Variants in ZDHHC14 observed in about 807,000 individuals in gnomAD.
ZDHHC14 encodes palmitoyltransferase ZDHHC14.
Under a neutral mutation model 47.7 loss-of-function variants are expected in ZDHHC14, and 16 were observed. The ratio of observed to expected loss-of-function variants is 0.34; its 90% confidence interval spans 0.23 to 0.51. ZDHHC14 has a LOEUF of 0.51. ZDHHC14 is among the 20% of genes least tolerant of loss of function. The pLI is 0.97. For missense variants in ZDHHC14, 515 were observed against 662.5 expected, an observed-to-expected ratio of 0.78 and a Z score of 2.44; for synonymous variants, 293 against 278.9, an observed-to-expected ratio of 1.05 and a Z score of -0.50.
chr6:157,401,278 A>G (rs2114746411), intron 1 of ZDHHC14, among the ~76,000 whole-genome samples: 1 of 152,364 alleles, frequency 6.6e-6, no homozygotes, highest in South Asian at 2.1e-4. Context: ...ATGTCAAAAT[A>G]GGCACTTTTC....
intron 3 of ZDHHC14, among the ~76,000 whole-genome samples, chr6:157,602,917 C>T (rs1010536289): frequency 6.6e-6 from 1 of 152,220 alleles, no homozygotes; most frequent in Admixed American, 6.5e-5. Flanking sequence ...TGTAACTAAA[C>T]TTAAAAATCA....
chr6:157,446,993 C>T (rs1044272389), intron 1 of ZDHHC14, among the ~76,000 whole-genome samples: 3 of 151,968 alleles, frequency 2.0e-5, no homozygotes, highest in Non-Finnish European at 2.9e-5. Flanking sequence ...GTGGCACATG[C>T]CCGTACTCCC....
intron 2 of ZDHHC14, among the ~76,000 whole-genome samples, chr6:157,559,699 A>G (rs2114838624): frequency 6.6e-6 from 1 of 152,350 alleles, no homozygotes; most frequent in East Asian, 1.9e-4. Context: ...GTTGTCATGA[A>G]TACTATTTTG....
At chr6:157,391,908 A>G (rs1224638759) in intron 1 of ZDHHC14, among the ~76,000 whole-genome samples, 1 of 152,208 alleles carries the variant, frequency 6.6e-6, no homozygotes, top group Non-Finnish European at 1.5e-5. Context: ...GTTTTTGCAT[A>G]TATATGTAAT....
chr6:157,447,642 G>A (rs781338782), intron 1 of ZDHHC14, among the ~76,000 whole-genome samples: 3 of 152,136 alleles, frequency 2.0e-5, no homozygotes, highest in Admixed American at 1.3e-4. Context: ...AAGACCCGGG[G>A]GTCCAGGTAT....
At chr6:157,454,731 T>C (rs1778875532) in intron 1 of ZDHHC14, among the ~76,000 whole-genome samples, 1 of 152,216 alleles carries the variant, frequency 6.6e-6, no homozygotes, top group African/African-American at 2.4e-5. Context: ...AATGCTCTAA[T>C]TTTTCTTTTA....
chr6:157,450,334 T>C lies in ZDHHC14; in HGVS notation c.245+68068T>C, dbSNP rs186957063. 2.6e-5 allele frequency among the ~76,000 whole-genome samples: 4 copies of C among 152,072 alleles called. No individual in the cohort carries two copies. The East Asian group carries it at 5.8e-4, about 22-fold the overall frequency. On this transcript the variant is annotated intron_variant, in intron 1 of 8. Coordinates refer to ENST00000359775, the MANE Select transcript of ZDHHC14 (RefSeq NM_024630.3). Reference sequence around the variant, plus strand: ...GAGGAATAGTTCTGAATCCATGAAATATGCTGAGCTAAGCATTAATAAAGA... The same window carrying C: ...GAGGAATAGTTCTGAATCCATGAAACATGCTGAGCTAAGCATTAATAAAGA...
intron 2 of ZDHHC14, among the ~76,000 whole-genome samples, chr6:157,563,418 G>C (rs1301170178): frequency 4.6e-5 from 7 of 152,198 alleles, no homozygotes; most frequent in South Asian, 4.1e-4. Context: ...CTCTGACTTG[G>C]GGGAGGCTGT....
intron 5 of ZDHHC14, among the ~76,000 whole-genome samples, chr6:157,641,009 TC>T (rs1482651407): frequency 2.0e-5 from 3 of 152,220 alleles, no homozygotes; most frequent in Non-Finnish European, 4.4e-5. Context: ...TAAAAAGGAC[TC>T]TTTTTTTTGC....
chr6:157,509,587 G>A (rs1223650319), intron 1 of ZDHHC14, among the ~76,000 whole-genome samples: 2 of 152,114 alleles, frequency 1.3e-5, no homozygotes, highest in Non-Finnish European at 2.9e-5. Context: ...TCTGTTACTC[G>A]CCAAGATGCC....
intron 1 of ZDHHC14, among the ~76,000 whole-genome samples, chr6:157,533,048 T>A (rs542256028): frequency 6.6e-6 from 1 of 152,316 alleles, no homozygotes; most frequent in South Asian, 2.1e-4. Flanking sequence ...GATAATGAGA[T>A]AATGGGGCAC....
chr6:157,584,345 T>A (rs1015104164), intron 2 of ZDHHC14, among the ~76,000 whole-genome samples: 3 of 152,144 alleles, frequency 2.0e-5, no homozygotes, highest in Non-Finnish European at 4.4e-5. Context: ...AGGCCCTTTG[T>A]TCCTTCCCCA....
chr6:157,551,864 A>C (rs1175276551), intron 2 of ZDHHC14, among the ~76,000 whole-genome samples: 1 of 152,206 alleles, frequency 6.6e-6, no homozygotes, highest in Non-Finnish European at 1.5e-5. Context: ...ATATGAACTT[A>C]GTCTATGACT....
intron 1 of ZDHHC14, among the ~76,000 whole-genome samples, chr6:157,522,803 C>A (rs1228796336): frequency 8.4e-5 from 1 of 11,842 alleles, no homozygotes; most frequent in African/African-American, 1.0e-3. Context: ...CTCCCTCCCT[C>A]CCTCCCTCCC....
rs532174407 is a variant in ZDHHC14 at position 157,411,689 on chromosome 6, G to A, written c.245+29423G>A. 1.4e-4 allele frequency among the ~76,000 whole-genome samples: 21 copies of A among 150,972 alleles called. No homozygotes were observed. In the East Asian group the frequency reaches 1.6e-3, roughly 11 times the overall value. On this transcript the variant is annotated intron_variant, in intron 1 of 8. Coordinates refer to ENST00000359775, the MANE Select transcript of ZDHHC14 (RefSeq NM_024630.3). ...CTCTGCACTATTTTTGGAGTTCCTT[G>A]TGAGTCTATAATTATTTCAAAATAA...
intron 1 of ZDHHC14, among the ~76,000 whole-genome samples, chr6:157,521,955 G>A (rs1426534352): frequency 6.6e-6 from 1 of 152,194 alleles, no homozygotes; most frequent in Non-Finnish European, 1.5e-5. Flanking sequence ...TCAAATAAAG[G>A]AGAAACATTT....
At chr6:157,613,795 C>T (rs1243079950) in intron 3 of ZDHHC14, among the ~76,000 whole-genome samples, 1 of 152,016 alleles carries the variant, frequency 6.6e-6, no homozygotes, top group Non-Finnish European at 1.5e-5. Context: ...GGAAATTGTA[C>T]CTAAAATGTG....
intron 1 of ZDHHC14, among the ~76,000 whole-genome samples, chr6:157,393,028 C>A (rs1777451168): frequency 6.6e-6 from 1 of 152,020 alleles, no homozygotes; most frequent in African/African-American, 2.4e-5. Context: ...TATAGGCGTG[C>A]ACCATCACAC....
intron 3 of ZDHHC14, among the ~76,000 whole-genome samples, chr6:157,604,412 T>G (rs918871038): frequency 8.5e-5 from 13 of 152,160 alleles, no homozygotes; most frequent in Non-Finnish European, 1.6e-4. Context: ...TTTCGATATC[T>G]GAGGGAGGTC....
Sources: gnomAD v4.1 joint callset for allele counts (sites outside exome capture counted in the v4.1 genomes callset) on GRCh38, gnomAD v4.1.1 for gene constraint, MANE v1.5 for transcripts, NCBI Gene and HGNC (gene_info 2026-07-23, HGNC 2026-07-21) for gene names.